KDM3B: variants seen among roughly 807,000 people sequenced by gnomAD.
The protein encoded by KDM3B is lysine-specific demethylase 3B.
KDM3B carries 10 observed loss-of-function variants against 170.0 expected under a neutral mutation model. The observed-to-expected ratio is 0.06, with a 90% CI of 0.04 to 0.10. The LOEUF (loss-of-function observed/expected upper bound fraction) is 0.10. KDM3B is among the 10% of genes least tolerant of loss of function. The pLI, the probability that KDM3B is intolerant of heterozygous loss-of-function variation, is 1.00. For missense variants in KDM3B, 1,394 were observed against 2,195.2 expected, an observed-to-expected ratio of 0.64 and a Z score of 7.29; for synonymous variants, 831 against 834.8, an observed-to-expected ratio of 1.00 and a Z score of 0.08.
intron 1 of KDM3B, among the ~76,000 whole-genome samples, chr5:138,362,959 A>C (rs1451649014): frequency 6.6e-6 from 1 of 151,296 alleles, no homozygotes; most frequent in East Asian, 1.9e-4. Flanking sequence ...TATAATTTCT[A>C]TAGAAATATA....
chr5:138,387,810 A>G (rs530151845), intron 7 of KDM3B, among the ~76,000 whole-genome samples: 1 of 152,308 alleles, frequency 6.6e-6, no homozygotes, highest in East Asian at 1.9e-4. Flanking sequence ...GGCCAGGCAC[A>G]GTAGCTCACA....
intron 23 of KDM3B, among the ~76,000 whole-genome samples, chr5:138,434,509 C>T (rs1268225336): frequency 2.0e-5 from 3 of 150,584 alleles, no homozygotes; most frequent in Non-Finnish European, 4.4e-5. Context: ...GATGGCGCCA[C>T]TGCACTCCAG....
At chr5:138,353,107 C>T (rs1390139038) in intron 1 of KDM3B, 120 bp downstream of exon 1, 14 of 838,670 alleles carry the variant, frequency 1.7e-5, no homozygotes, top group Non-Finnish European at 1.7e-5. Flanking sequence ...GCCCCCGGGT[C>T]TCCTTAGCGC....
At chr5:138,383,946 G>A (rs769960952) in intron 6 of KDM3B, among the ~76,000 whole-genome samples, 8 of 147,964 alleles carry the variant, frequency 5.4e-5, no homozygotes, top group East Asian at 4.0e-4. Context: ...GCAAAACTCC[G>A]TCTCAAAAAA....
Position 138,425,600 on chromosome 5 carries a change from C to A in KDM3B, c.4411+18C>A, listed in dbSNP as rs766634457. 4 of 1,608,952 alleles carry A rather than the reference C, an allele frequency of 2.5e-6. No homozygotes were observed. Among genetic ancestry groups the A allele is most frequent in the Non-Finnish European group, 3.4e-6 (4 of 1,176,182 alleles). ...CATATGCAGTAAGTAGCTTTCATATCTAGTTCAGTGATAGCAGACTGGAAA... is the reference window on the plus strand; with the variant it reads ...CATATGCAGTAAGTAGCTTTCATATATAGTTCAGTGATAGCAGACTGGAAA... On this transcript the variant is annotated intron_variant, in intron 17 of 23. Transcript: ENST00000314358.
chr5:138,379,761 G>A, intron 5 of KDM3B, 53 bp downstream of exon 5: 1 of 1,525,954 alleles, frequency 6.6e-7, no homozygotes, highest in South Asian at 1.3e-5. Context: ...TAAAGAGGAT[G>A]GTTTAGATAG....
chr5:138,367,674 T>A (rs908772578), intron 1 of KDM3B, among the ~76,000 whole-genome samples: 24 of 152,288 alleles, frequency 1.6e-4, no homozygotes, highest in African/African-American at 4.6e-4. Context: ...TCAGACTTTT[T>A]AAAAAAATTT....
chr5:138,379,689 T>C lies in KDM3B; in HGVS notation c.686T>C (p.Met229Thr), dbSNP rs1321426751. The C allele has an allele frequency of 6.2e-7, 1 of 1,613,686 alleles. No homozygotes were observed. Among genetic ancestry groups the C allele is most frequent in the Non-Finnish European group, 8.5e-7 (1 of 1,179,834 alleles). The change falls in exon 5 of 24, where the codon ATG (methionine) becomes ACG (threonine). Residue 229 changes from methionine to threonine, a missense_variant. Met to Thr is a moderately conservative substitution (Grantham distance 81). Around this residue, in one of 19 missense-constraint regions of KDM3B, gnomAD observed 166 missense variants for 216.4 expected, o/e 0.77. Coordinates refer to ENST00000314358, the MANE Select transcript of KDM3B (RefSeq NM_016604.4). ...CATCAGGACTCCATCACTCGTCTTATGGAGGTGTCTGTAACTGAGGTGAGA... is the reference window on the plus strand; with the variant it reads ...CATCAGGACTCCATCACTCGTCTTACGGAGGTGTCTGTAACTGAGGTGAGA... ...VSHQDSITRL[M>T]EVSVTESGEI...
intron 11 of KDM3B, among the ~76,000 whole-genome samples, chr5:138,402,639 C>T (rs1033478072): frequency 6.6e-6 from 1 of 152,196 alleles, no homozygotes; most frequent in African/African-American, 2.4e-5. Context: ...TTAACTGTCA[C>T]AGGAATTGCC....
At chr5:138,409,805 C>T (rs564050656) in intron 11 of KDM3B, among the ~76,000 whole-genome samples, 22 of 152,206 alleles carry the variant, frequency 1.4e-4, no homozygotes, top group African/African-American at 4.1e-4. Context: ...AAAAATAGGC[C>T]GAGCGCCGTG....
chr5:138,432,062 C>G (rs1763545326), intron 23 of KDM3B, among the ~76,000 whole-genome samples: 1 of 152,200 alleles, frequency 6.6e-6, no homozygotes, highest in African/African-American at 2.4e-5. Context: ...ACTGCTTAAC[C>G]TAATCATTTC....
At chr5:138,374,262 TTTGTTGTTG>T (rs768960805) in intron 2 of KDM3B, 2 of 440,718 alleles carry the variant, frequency 4.5e-6, no homozygotes, top group African/African-American at 4.1e-5. Context: ...TTCATTTGTT[TTTGTTGTTG>T]TTGTTGTTAA....
intron 1 of KDM3B, among the ~76,000 whole-genome samples, chr5:138,360,522 T>TTGTGTGTG (rs55976818): frequency 0.028 from 3,915 of 137,902 alleles, 89 homozygotes; most frequent in South Asian, 0.098. Flanking sequence ...TAAAAAAAGA[T>TTGTGTGTG]TGTGTGTGTG....
At chr5:138,376,703 C>G (rs1205406652) in intron 3 of KDM3B, among the ~76,000 whole-genome samples, 1 of 131,274 alleles carries the variant, frequency 7.6e-6, no homozygotes, top group Admixed American at 8.1e-5. Flanking sequence ...GACTCCATCT[C>G]AAGAAAAAAA....
At chr5:138,415,073 A>G in intron 11 of KDM3B, 59 bp from the exon 12 acceptor site, 2 of 1,197,842 alleles carry the variant, frequency 1.7e-6, no homozygotes, top group South Asian at 1.4e-5. Flanking sequence ...AACTCCATTC[A>G]CTGAGAAGGA....
chr5:138,381,446 TG>T, intron 5 of KDM3B, 69 bp from the exon 6 acceptor site: 4 of 980,768 alleles, frequency 4.1e-6, no homozygotes, highest in Non-Finnish European at 6.5e-6. Context: ...ATAATTACAT[TG>T]ATTAGGAAAT....
rs1464900555 is a variant in KDM3B at position 138,391,641 on chromosome 5, T to G, written c.2009T>G (p.Val670Gly). Residue 670 changes from valine (V) to glycine (G), a missense_variant, in exon 8 of 24, where the codon GTG (valine) becomes GGG (glycine). Coordinates refer to ENST00000314358, the MANE Select transcript of KDM3B (RefSeq NM_016604.4). This position sits in a 1 kb window ranked among gnomAD's most constrained non-coding sequence, Gnocchi z 5.0. ...TCTGCTACCACTGTCACCTCCAAGG[T>G]GGCACCCAGCTGGCCCGAGTCTCAC... The part of the protein sequence containing the change: ...SSSATTVTSK[V>G]APSWPESHSS... The G allele has an allele frequency of 8.1e-6, 13 of 1,614,152 alleles. No homozygotes were observed. Among genetic ancestry groups the G allele is most frequent in the Non-Finnish European group, 1.0e-5 (12 of 1,180,032 alleles).
chr5:138,409,462 G>T lies in KDM3B; in HGVS notation c.3200-5670G>T, dbSNP rs1016267323. ...CAGGAGAATTCCTTGAACCTGGGAG[G>T]CAGAAGCTTCAGTGAGCCGAGCATC... On this transcript the variant is annotated intron_variant, in intron 11 of 23. Transcript: ENST00000314358. Among the ~76,000 whole-genome samples the T allele has an allele frequency of 3.9e-5, 6 of 152,310 alleles. No homozygotes were observed. The East Asian group carries it at 9.6e-4, about 24-fold the overall frequency.
chr5:138,430,364 G>C lies in KDM3B; in HGVS notation c.5009G>C (p.Gly1670Ala), dbSNP rs1464939653. 4 of 1,614,148 alleles carry C rather than the reference G, an allele frequency of 2.5e-6. No homozygotes were observed. Among genetic ancestry groups the C allele is most frequent in the African/African-American group, 1.3e-5 (1 of 75,032 alleles). ...CTCTATGAGGAGTATGGCGTGCAAGGCTGGGCTATTGTGCAGTTCCTAGGT... is the reference window on the plus strand; with the variant it reads ...CTCTATGAGGAGTATGGCGTGCAAGCCTGGGCTATTGTGCAGTTCCTAGGT... ...KRLYEEYGVQ[G>A]WAIVQFLGDA... The change falls in exon 22 of 24, where the codon GGC (glycine) becomes GCC (alanine). Residue 1670 changes from glycine (G) to alanine (A), a missense_variant. Physicochemically the swap from Gly to Ala is moderately conservative, Grantham distance 60. Transcript: ENST00000314358.
Sources: gnomAD v4.1 joint callset for allele counts (sites outside exome capture counted in the v4.1 genomes callset) on GRCh38, gnomAD v4.1.1 for gene constraint, gnomAD v4.1.1 regional missense constraint, Gnocchi (gnomAD v3.1) non-coding constraint, MANE v1.5 for transcripts, NCBI Gene and HGNC (gene_info 2026-07-23, HGNC 2026-07-21) for gene names.